The following DNAAF4 variants were observed in gnomAD, a reference collection of about 807,000 sequenced individuals.
The protein encoded by DNAAF4 is dynein axonemal assembly factor 4, also known as dynein assembly factor 4, axonemal.
A neutral mutation model predicts 51.8 loss-of-function variants in DNAAF4; 43 were observed. The observed-to-expected ratio is 0.83, with a 90% CI of 0.65 to 1.07. DNAAF4 has a LOEUF of 1.07. DNAAF4 is among the 50% of genes least tolerant of loss of function. DNAAF4 has a pLI of 0.00. For missense variants in DNAAF4, 581 were observed against 493.0 expected (o/e 1.18, Z -1.69); for synonymous variants, 194 against 165.6 (o/e 1.17, Z -1.32).
chr15:55,473,885 G>A (rs573240723), intron 4 of DNAAF4, among the ~76,000 whole-genome samples: 1 of 151,870 alleles, frequency 6.6e-6, no homozygotes, highest in African/African-American at 2.4e-5. Context: ...CCAGCTACTC[G>A]GGAAGCTGAG....
intron 6 of DNAAF4, chr15:55,443,333 G>A (rs2057744620): frequency 4.1e-6 from 4 of 977,810 alleles, no homozygotes; most frequent in Non-Finnish European, 6.2e-6. Flanking sequence ...AGCGTGCGGA[G>A]GCGCCTGGCG....
intron 5 of DNAAF4, among the ~76,000 whole-genome samples, chr15:55,460,225 G>C (rs1208572759): frequency 6.8e-6 from 1 of 146,578 alleles, no homozygotes; most frequent in Non-Finnish European, 1.5e-5. Flanking sequence ...CTGTCGCCCA[G>C]GCTGGAGTGC....
chr15:55,429,375 A>G (rs2057463968), downstream of DNAAF4, among the ~76,000 whole-genome samples: 1 of 151,640 alleles, frequency 6.6e-6, no homozygotes, highest in Admixed American at 6.6e-5. Flanking sequence ...CAAAAAATTA[A>G]TCAGGCGTGG....
chr15:55,427,926 C>T (rs549558753), downstream of DNAAF4, among the ~76,000 whole-genome samples: 63 of 146,276 alleles, frequency 4.3e-4, 1 homozygote, highest in African/African-American at 1.5e-3. Flanking sequence ...TGAGCCACCG[C>T]GCCTGGCCTC....
chr15:55,497,340 A>T (rs2058654180), intron 3 of DNAAF4, among the ~76,000 whole-genome samples: 1 of 152,190 alleles, frequency 6.6e-6, no homozygotes, highest in African/African-American at 2.4e-5. Flanking sequence ...TCGCACCCGT[A>T]ATCCCAGCAC....
intron 1 of DNAAF4, among the ~76,000 whole-genome samples, chr15:55,504,489 G>C (rs894920696): frequency 6.6e-6 from 1 of 152,156 alleles, no homozygotes; most frequent in Non-Finnish European, 1.5e-5. Flanking sequence ...AAAGATCAAA[G>C]CTGGAGGCAT....
At chr15:55,420,712 A>G (rs918520893) in intron 7 of DNAAF4, among the ~76,000 whole-genome samples, 1 of 152,214 alleles carries the variant, frequency 6.6e-6, no homozygotes, top group African/African-American at 2.4e-5. Context: ...GAATTATGCA[A>G]TAACATTTTA....
intron 1 of DNAAF4, among the ~76,000 whole-genome samples, chr15:55,499,969 T>G (rs2058686155): frequency 6.6e-6 from 1 of 152,186 alleles, no homozygotes; most frequent in Non-Finnish European, 1.5e-5. Flanking sequence ...ATTGCTGGGA[T>G]AAAACAGTGA....
intron 6 of DNAAF4, among the ~76,000 whole-genome samples, chr15:55,447,357 C>T (rs2057849487): frequency 6.6e-6 from 1 of 152,026 alleles, no homozygotes; most frequent in African/African-American, 2.4e-5. Context: ...AAATGTTCCT[C>T]ACTTCCTAGA....
chr15:55,490,030 C>T (rs920055510), intron 4 of DNAAF4, among the ~76,000 whole-genome samples: 1 of 151,884 alleles, frequency 6.6e-6, no homozygotes, highest in Non-Finnish European at 1.5e-5. Flanking sequence ...CCCACCACCA[C>T]GCGCGGCTGA....
In DNAAF4 at chr15:55,463,630, C is replaced by T. The variant is rs532401591; in HGVS notation, c.637+3300G>A. Among the ~76,000 whole-genome samples the T allele has an allele frequency of 3.3e-5, 5 of 152,252 alleles. No homozygotes were observed. The East Asian group carries it at 7.7e-4, about 23-fold the overall frequency. On this transcript the variant is annotated intron_variant, in intron 5 of 9. Coordinates refer to ENST00000321149, the MANE Select transcript of DNAAF4 (RefSeq NM_130810.4). The stretch of plus-strand genomic sequence containing the variant: ...CAATGCACACAAATCAGTAGCACTA[C>T]TATACACCAACAAGGACCAGGCTGA...
intron 1 of DNAAF4, among the ~76,000 whole-genome samples, chr15:55,505,564 CACCATGGAAT>C (rs1366610142): frequency 6.6e-6 from 1 of 152,192 alleles, no homozygotes; most frequent in Non-Finnish European, 1.5e-5. Context: ...GGCACATATA[CACCATGGAAT>C]ACTATGCAGC....
At chr15:55,481,032 A>G (rs1023682123) in intron 4 of DNAAF4, among the ~76,000 whole-genome samples, 3 of 152,026 alleles carry the variant, frequency 2.0e-5, no homozygotes, top group African/African-American at 7.2e-5. Flanking sequence ...GCTGGTGCTC[A>G]TTCTCTCTCC....
intron 6 of DNAAF4, among the ~76,000 whole-genome samples, chr15:55,447,805 GGGC>G (rs2057859329): frequency 1.6e-5 from 2 of 123,016 alleles, no homozygotes; most frequent in Non-Finnish European, 1.7e-5. Flanking sequence ...AGAGGGGAGA[GGGC>G]AGAGGGGAGA....
chr15:55,485,790 C>G (rs188431075), intron 4 of DNAAF4, among the ~76,000 whole-genome samples: 1 of 151,862 alleles, frequency 6.6e-6, no homozygotes, highest in Non-Finnish European at 1.5e-5. Flanking sequence ...GTCAGGAGAT[C>G]GAGACCATCC....
intron 7 of DNAAF4, among the ~76,000 whole-genome samples, chr15:55,435,598 C>A (rs1409956571): frequency 1.3e-5 from 2 of 152,150 alleles, no homozygotes; most frequent in African/African-American, 4.8e-5. Context: ...TCAAGCTTTA[C>A]TTGAAATAGA....
chr15:55,446,874 G>A (rs2057834582), intron 6 of DNAAF4, among the ~76,000 whole-genome samples: 1 of 139,764 alleles, frequency 7.2e-6, no homozygotes, highest in Non-Finnish European at 1.5e-5. Flanking sequence ...ATCCCAGACG[G>A]GCCGGCTGGG....
intron 7 of DNAAF4, among the ~76,000 whole-genome samples, chr15:55,438,680 G>A (rs2057657314): frequency 6.6e-6 from 1 of 151,860 alleles, no homozygotes; most frequent in Admixed American, 6.6e-5. Context: ...AGCTACTTGA[G>A]AGGCTGAGGC....
intron 4 of DNAAF4, 62 bp downstream of exon 4, chr15:55,491,061 A>G: frequency 6.3e-7 from 1 of 1,590,386 alleles, no homozygotes. Flanking sequence ...GCTGGAACTC[A>G]CTATCCTCAC....
Sources: gnomAD v4.1 joint callset for allele counts (sites outside exome capture counted in the v4.1 genomes callset) on GRCh38, gnomAD v4.1.1 for gene constraint, MANE v1.5 for transcripts, NCBI Gene and HGNC (gene_info 2026-07-23, HGNC 2026-07-21) for gene names.